NRG3: variants seen among roughly 807,000 people sequenced by gnomAD.
NRG3 encodes the protein neuregulin 3, also known as pro-neuregulin-3, membrane-bound isoform.
In NRG3, 31 loss-of-function variants were observed where a neutral mutation model predicts 66.9. The ratio of observed to expected loss-of-function variants is 0.46; its 90% CI spans 0.35 to 0.63. NRG3 has a LOEUF of 0.63. NRG3 is among the 20% of genes least tolerant of loss of function. The pLI, the probability that NRG3 is intolerant of heterozygous loss-of-function variation, is 0.00. For synonymous variants in NRG3, 393 were observed against 359.4 expected (o/e 1.09, Z -1.06); for missense variants, 910 against 878.9 (o/e 1.04, Z -0.45).
At chr10:82,888,505 A>G (rs1373047373) in intron 4 of NRG3, among the ~76,000 whole-genome samples, 3 of 152,164 alleles carry the variant, frequency 2.0e-5, no homozygotes, top group Admixed American at 6.5e-5. Context: ...ACAAGAAACA[A>G]TTGTTAAATC....
intron 2 of NRG3, among the ~76,000 whole-genome samples, chr10:82,458,717 C>A (rs1488108397): frequency 3.9e-5 from 6 of 152,122 alleles, no homozygotes; most frequent in Admixed American, 3.3e-4. Flanking sequence ...AAGCCTACAC[C>A]CAACCTCATG....
At chr10:82,795,009 G>A (rs2060739234) in intron 3 of NRG3, among the ~76,000 whole-genome samples, 1 of 152,140 alleles carries the variant, frequency 6.6e-6, no homozygotes, top group African/African-American at 2.4e-5. Context: ...TCTTCTCTAT[G>A]CTGTCACTGA....
rs75824127 is a variant in NRG3, at chr10:81,999,648, A to G, written c.823+123485A>G. ...TGAGATCTTCATTACAAATAGATTC[A>G]TATGTGCTCATAAGAAATCAATTTC... On this transcript the variant is annotated intron_variant, in intron 1 of 8. Coordinates refer to ENST00000372141, the MANE Select transcript of NRG3 (RefSeq NM_001010848.4). Among the ~76,000 whole-genome samples the G allele has an allele frequency of 4.6e-3, 706 of 152,330 alleles. 3 individuals are homozygous for G. Among genetic ancestry groups the G allele is most frequent in the Middle Eastern group, 0.01 (3 of 294 alleles).
chr10:82,622,212 T>G (rs537281048), intron 2 of NRG3, among the ~76,000 whole-genome samples: 1 of 151,984 alleles, frequency 6.6e-6, no homozygotes, highest in African/African-American at 2.4e-5. Flanking sequence ...ATAAAGGTAA[T>G]ACTATTTTTT....
At chr10:82,157,745 T>TGGA (rs113523003) in intron 1 of NRG3, among the ~76,000 whole-genome samples, 65 of 150,908 alleles carry the variant, frequency 4.3e-4, no homozygotes, top group African/African-American at 1.5e-3. Flanking sequence ...GTGGTGTTAT[T>TGGA]GTAAGTTAAA....
At chr10:82,819,312 A>G (rs1165523168) in intron 3 of NRG3, among the ~76,000 whole-genome samples, 7 of 152,244 alleles carry the variant, frequency 4.6e-5, no homozygotes, top group Admixed American at 4.6e-4. Context: ...TGAGAAAAAC[A>G]TAAACATACA....
At chr10:82,672,230 T>C (rs2053339006) in intron 2 of NRG3, among the ~76,000 whole-genome samples, 2 of 151,882 alleles carry the variant, frequency 1.3e-5, no homozygotes, top group Admixed American at 1.3e-4. Context: ...GGACAGAAAG[T>C]GCAAAGGGTG....
chr10:81,969,640 C>T (rs1046011950), intron 1 of NRG3, among the ~76,000 whole-genome samples: 34 of 152,332 alleles, frequency 2.2e-4, no homozygotes, highest in Middle Eastern at 3.4e-3. Context: ...CACCAGTTCA[C>T]CTGGTGCTGA....
At chr10:82,439,191 A>G (rs7094481) in intron 2 of NRG3, among the ~76,000 whole-genome samples, 32,699 of 151,966 alleles carry the variant, frequency 0.22, 5,143 homozygotes, top group African/African-American at 0.44. Context: ...GTTCTACCAT[A>G]TCACACCAAA....
Position 82,985,278 on chromosome 10 carries a change from A to G in NRG3, c.1764A>G (p.Gln588=). The change falls in exon 9 of 9, where the codon CAA becomes CAG. Residue 588 remains glutamine, a synonymous_variant. Transcript: ENST00000372141. ...TGGGTTTAGAGGAAACCTGCCTGCA[A>G]ATGCCAGGGATTTCTGAAGTCAAAA... is the stretch of plus-strand genomic sequence containing the variant. ...PSVGLEETCL[Q]MPGISEVKSI... The G allele has an allele frequency of 1.2e-6, 2 of 1,614,154 alleles. No individual in the cohort carries two copies. The highest frequency in any genetic ancestry group is 1.6e-4 in the Middle Eastern group (1 of 6,062).
intron 1 of NRG3, among the ~76,000 whole-genome samples, chr10:81,910,972 T>C (rs1454922792): frequency 1.3e-5 from 2 of 152,222 alleles, no homozygotes; most frequent in African/African-American, 2.4e-5. Context: ...CTTACAACTT[T>C]AGAATTTTTC....
intron 1 of NRG3, among the ~76,000 whole-genome samples, chr10:82,100,306 TG>T (rs1467276831): frequency 3.3e-5 from 5 of 152,200 alleles, no homozygotes; most frequent in African/African-American, 1.2e-4. Flanking sequence ...ATGTAGACAA[TG>T]GTGTCTTCTA....
At chr10:82,236,023 T>TAC (rs140576608) in intron 1 of NRG3, among the ~76,000 whole-genome samples, 2 of 151,388 alleles carry the variant, frequency 1.3e-5, no homozygotes, top group Admixed American at 6.6e-5. Flanking sequence ...CACACATACA[T>TAC]ACACACACAC....
At chr10:81,946,269 G>A (rs899205356) in intron 1 of NRG3, among the ~76,000 whole-genome samples, 3 of 151,964 alleles carry the variant, frequency 2.0e-5, no homozygotes, top group Non-Finnish European at 4.4e-5. Flanking sequence ...TACCCACCTC[G>A]GCCTCCCAAA....
At chr10:82,834,190 G>T (rs548508475) in intron 3 of NRG3, among the ~76,000 whole-genome samples, 4 of 152,062 alleles carry the variant, frequency 2.6e-5, no homozygotes, top group Non-Finnish European at 5.9e-5. Flanking sequence ...TGCCTTCTTT[G>T]CTCGTCTCAG....
At chr10:82,438,852 A>G (rs985784516) in intron 2 of NRG3, among the ~76,000 whole-genome samples, 3 of 151,972 alleles carry the variant, frequency 2.0e-5, no homozygotes, top group Admixed American at 2.0e-4. Flanking sequence ...AGTAGGAAAT[A>G]GACTAGCCTT....
At chr10:82,813,372 C>T (rs1216269225) in intron 3 of NRG3, among the ~76,000 whole-genome samples, 2 of 151,918 alleles carry the variant, frequency 1.3e-5, no homozygotes, top group Non-Finnish European at 1.5e-5. Flanking sequence ...CACCACCACA[C>T]CTGGCTAATT....
intron 1 of NRG3, among the ~76,000 whole-genome samples, chr10:82,250,736 A>G (rs995424160): frequency 7.2e-5 from 11 of 152,216 alleles, no homozygotes; most frequent in African/African-American, 2.7e-4. Flanking sequence ...ATCACATAGC[A>G]GTGATCATTT....
At chr10:82,197,099 A>C (rs2074490870) in intron 1 of NRG3, among the ~76,000 whole-genome samples, 1 of 152,124 alleles carries the variant, frequency 6.6e-6, no homozygotes, top group South Asian at 2.1e-4. Flanking sequence ...TCTAAGAGTC[A>C]GGGTCATTCT....
Sources: allele counts gnomAD v4.1 joint callset (sites outside exome capture counted in the v4.1 genomes callset), GRCh38; gene constraint gnomAD v4.1.1; transcripts MANE v1.5; gene names NCBI Gene and HGNC (gene_info 2026-07-23, HGNC 2026-07-21).